The following ARHGAP10 variants were observed in gnomAD, a reference collection of about 807,000 sequenced individuals.
ARHGAP10 encodes the protein rho GTPase-activating protein 10.
Under a neutral mutation model 108.6 loss-of-function variants are expected in ARHGAP10, and 87 were observed. The observed-to-expected ratio is 0.80, with a 90% confidence interval of 0.67 to 0.96. ARHGAP10 has a LOEUF of 0.96. Ranked by LOEUF, ARHGAP10 falls within the 40% of genes least tolerant of loss-of-function variation. ARHGAP10 has a pLI of 0.00. For missense variants in ARHGAP10, 939 were observed against 954.5 expected (o/e 0.98, Z 0.21); for synonymous variants, 347 against 341.1 (o/e 1.02, Z -0.19).
chr4:148,059,896 TCA>T (rs1408864026), intron 20 of ARHGAP10, among the ~76,000 whole-genome samples: 1 of 151,704 alleles, frequency 6.6e-6, no homozygotes, highest in Non-Finnish European at 1.5e-5. Flanking sequence ...TTGGGCCAGG[TCA>T]CACCTACATG....
intron 15 of ARHGAP10, 56 bp downstream of exon 15, chr4:147,946,760 A>T: frequency 2.3e-6 from 3 of 1,317,786 alleles, no homozygotes; most frequent in African/African-American, 1.5e-5. Flanking sequence ...CTGTAACATA[A>T]AACAGATGCC....
intron 22 of ARHGAP10, among the ~76,000 whole-genome samples, chr4:148,070,084 T>C (rs2149695332): frequency 6.6e-6 from 1 of 152,378 alleles, no homozygotes; most frequent in Non-Finnish European, 1.5e-5. Context: ...GACACGGTGC[T>C]AGGTGCTGGG....
At chr4:147,984,037 C>T (rs1348880356) in intron 18 of ARHGAP10, among the ~76,000 whole-genome samples, 2 of 152,012 alleles carry the variant, frequency 1.3e-5, no homozygotes, top group Non-Finnish European at 2.9e-5. Flanking sequence ...TGTTTGGCTA[C>T]GTTTCTGGGT....
intron 20 of ARHGAP10, among the ~76,000 whole-genome samples, chr4:148,053,481 C>T (rs1560894524): frequency 6.6e-6 from 1 of 152,114 alleles, no homozygotes; most frequent in Non-Finnish European, 1.5e-5. Flanking sequence ...GAGATGCGGG[C>T]GGGAGGGCCT....
chr4:147,964,335 C>G (rs1739122018), intron 16 of ARHGAP10, among the ~76,000 whole-genome samples: 1 of 152,236 alleles, frequency 6.6e-6, no homozygotes, highest in South Asian at 2.1e-4. Context: ...TTGCCCATTC[C>G]TTCCTGCAGA....
intron 18 of ARHGAP10, among the ~76,000 whole-genome samples, chr4:147,971,431 T>C (rs994374082): frequency 6.6e-6 from 1 of 152,106 alleles, no homozygotes; most frequent in African/African-American, 2.4e-5. Flanking sequence ...ATAAGCGCTT[T>C]GAGAGAGAGA....
intron 13 of ARHGAP10, among the ~76,000 whole-genome samples, chr4:147,938,070 A>C (rs541588600): frequency 6.6e-6 from 1 of 152,310 alleles, no homozygotes; most frequent in South Asian, 2.1e-4. Context: ...TGGGACATGG[A>C]TGGAAGTGGA....
chr4:147,952,460 A>G (rs1275143655), intron 15 of ARHGAP10, among the ~76,000 whole-genome samples: 2 of 152,044 alleles, frequency 1.3e-5, no homozygotes, highest in African/African-American at 2.4e-5. Flanking sequence ...CGTAATAGGT[A>G]TTTGGTAGTG....
intron 10 of ARHGAP10, among the ~76,000 whole-genome samples, chr4:147,888,429 G>A (rs1419162752): frequency 1.3e-5 from 2 of 152,104 alleles, no homozygotes; most frequent in Admixed American, 1.3e-4. Context: ...TTGGGAGTGG[G>A]AGTGGGGGTA....
rs1206725352 is a variant in ARHGAP10 at position 147,732,166 on chromosome 4, C to A, written c.-136C>A. 1 of 813,424 alleles carries A rather than the reference C, an allele frequency of 1.2e-6. No homozygotes were observed. Among genetic ancestry groups the A allele is most frequent in the Non-Finnish European group, 1.7e-6 (1 of 586,470 alleles). 50.4% of individuals were successfully genotyped at this position (813,424 alleles called of 1,614,324 possible). A position where few individuals can be genotyped will look rare whatever the true frequency, so the allele number is the denominator to read the frequency against. On this transcript the variant is annotated 5_prime_UTR_variant, in exon 1 of 23. Transcript: ENST00000336498. ...TCGGCTCTACGGGACATGTCCGTGC[C>A]GCGCTCGCCGCGCGCCCGGGCCTGC... is the stretch of plus-strand genomic sequence containing the variant.
chr4:147,735,412 C>T (rs1314070593), intron 1 of ARHGAP10, among the ~76,000 whole-genome samples: 2 of 152,184 alleles, frequency 1.3e-5, no homozygotes, highest in Non-Finnish European at 2.9e-5. Flanking sequence ...AGTTTTGGAA[C>T]TCACTGGTGA....
intron 13 of ARHGAP10, chr4:147,917,137 A>C (rs1252712314): frequency 1.3e-5 from 2 of 152,196 alleles, no homozygotes; most frequent in African/African-American, 4.8e-5. Flanking sequence ...ATTCAGGAGT[A>C]GGATAGCTCT....
At chr4:148,068,024 T>G in intron 22 of ARHGAP10, among the ~76,000 whole-genome samples, 1 of 150,432 alleles carries the variant, frequency 6.6e-6, no homozygotes. Flanking sequence ...TTGTAAGGTC[T>G]CAGGGCAGTG....
At chr4:147,980,035 C>T (rs1027085312) in intron 18 of ARHGAP10, among the ~76,000 whole-genome samples, 11 of 152,122 alleles carry the variant, frequency 7.2e-5, no homozygotes, top group African/African-American at 2.7e-4. Context: ...TTTGCTTTCT[C>T]TTGCCTGATT....
intron 13 of ARHGAP10, among the ~76,000 whole-genome samples, chr4:147,925,112 T>A (rs1393799924): frequency 1.3e-5 from 2 of 152,220 alleles, no homozygotes; most frequent in African/African-American, 4.8e-5. Context: ...CAGTGATTTG[T>A]GGACATTTGA....
intron 14 of ARHGAP10, among the ~76,000 whole-genome samples, chr4:147,941,618 G>A (rs1738167412): frequency 1.3e-5 from 2 of 152,136 alleles, no homozygotes; most frequent in South Asian, 4.1e-4. Flanking sequence ...TTAGAGAATT[G>A]ATGTGAGACA....
In ARHGAP10 at chr4:147,732,285, C is replaced by T. The variant is rs781441272; in HGVS notation, c.-17C>T. ...GGAGCGCGCGGCCGTGCGCACCGCG[C>T]AGCGACCGCTGCCGTCATGGGGCTG... On this transcript the variant is annotated 5_prime_UTR_variant, in exon 1 of 23. Transcript: ENST00000336498. 4 of 1,592,060 alleles carry T rather than the reference C, an allele frequency of 2.5e-6. No homozygotes were observed. Among genetic ancestry groups the T allele is most frequent in the Non-Finnish European group, 2.6e-6 (3 of 1,171,442 alleles).
At chr4:147,977,115 C>T (rs555260804) in intron 18 of ARHGAP10, among the ~76,000 whole-genome samples, 5 of 152,284 alleles carry the variant, frequency 3.3e-5, no homozygotes, top group South Asian at 2.1e-4. Flanking sequence ...GAGAGCTCCT[C>T]GGAGCCTAGC....
At chr4:147,814,128 C>T (rs1270596391) in intron 1 of ARHGAP10, among the ~76,000 whole-genome samples, 1 of 152,156 alleles carries the variant, frequency 6.6e-6, no homozygotes, top group Non-Finnish European at 1.5e-5. Context: ...CTTAGGGCAG[C>T]AGCCTCACCC....
Sources: allele counts gnomAD v4.1 joint callset (sites outside exome capture counted in the v4.1 genomes callset), GRCh38; gene constraint gnomAD v4.1.1; transcripts MANE v1.5; gene names NCBI Gene and HGNC (gene_info 2026-07-23, HGNC 2026-07-21).